Variants in AFF3 observed in about 807,000 individuals in gnomAD.
The protein encoded by AFF3 is ALF transcription elongation factor 3, also known as AF4/FMR2 family member 3.
In AFF3, 32 loss-of-function variants were observed where a neutral mutation model predicts 129.7. That is an observed-to-expected ratio of 0.25 (90% CI 0.19 to 0.33). AFF3 has a LOEUF of 0.33. Among genes scored for constraint, AFF3 ranks in the 10% least tolerant of loss-of-function variants. The pLI, the probability that AFF3 is intolerant of heterozygous loss-of-function variation, is 1.00. For missense variants in AFF3, 1,373 were observed against 1,592.0 expected (o/e 0.86, Z 2.34); for synonymous variants, 644 against 635.4 (o/e 1.01, Z -0.20).
At chr2:99,748,556 CT>C (rs1225265268) in intron 9 of AFF3, among the ~76,000 whole-genome samples, 1 of 152,176 alleles carries the variant, frequency 6.6e-6, no homozygotes, top group East Asian at 1.9e-4. Context: ...TCCCCTCCCC[CT>C]GGAATGCTCA....
chr2:99,599,935 G>A (rs1256114173), intron 14 of AFF3, among the ~76,000 whole-genome samples: 1 of 152,094 alleles, frequency 6.6e-6, no homozygotes, highest in Non-Finnish European at 1.5e-5. Flanking sequence ...ATATAATTGT[G>A]TATTCCAGGG....
chr2:99,826,240 C>T (rs1187572442), intron 8 of AFF3, among the ~76,000 whole-genome samples: 1 of 152,108 alleles, frequency 6.6e-6, no homozygotes, highest in Non-Finnish European at 1.5e-5. Flanking sequence ...GTCTCGACCT[C>T]CTGACCACAG....
chr2:99,671,619 C>T (rs1482837982), intron 12 of AFF3, among the ~76,000 whole-genome samples: 2 of 152,108 alleles, frequency 1.3e-5, no homozygotes, highest in Non-Finnish European at 1.5e-5. Context: ...TTTCATGATA[C>T]CTTTCTATTA....
intron 13 of AFF3, among the ~76,000 whole-genome samples, chr2:99,616,047 G>T (rs953657815): frequency 7.9e-5 from 12 of 152,156 alleles, no homozygotes; most frequent in Non-Finnish European, 1.3e-4. Flanking sequence ...TGCTTATAGA[G>T]GTGAAATCAT....
chr2:99,647,886 A>AT (rs1472389598), intron 13 of AFF3, among the ~76,000 whole-genome samples: 2 of 152,074 alleles, frequency 1.3e-5, no homozygotes, highest in Non-Finnish European at 2.9e-5. Context: ...TTGACAAGGG[A>AT]TTTTTTGTGA....
chr2:99,864,761 G>A (rs1304761132), intron 7 of AFF3, among the ~76,000 whole-genome samples: 1 of 152,220 alleles, frequency 6.6e-6, no homozygotes, highest in Non-Finnish European at 1.5e-5. Flanking sequence ...AGAACTGAAA[G>A]CTTTGCCTGA....
intron 7 of AFF3, among the ~76,000 whole-genome samples, chr2:99,846,903 G>A (rs1018165674): frequency 6.6e-6 from 1 of 152,034 alleles, no homozygotes; most frequent in Non-Finnish European, 1.5e-5. Context: ...CTCAGAACAG[G>A]GTTCATTCTG....
At chr2:99,889,692 T>C (rs980986547) in intron 7 of AFF3, among the ~76,000 whole-genome samples, 5 of 152,202 alleles carry the variant, frequency 3.3e-5, no homozygotes, top group Admixed American at 6.5e-5. Context: ...AGAGTCTCAC[T>C]CTGTTGCCCA....
intron 13 of AFF3, among the ~76,000 whole-genome samples, chr2:99,616,847 TCTC>T (rs1400170966): frequency 2.6e-5 from 4 of 152,164 alleles, no homozygotes; most frequent in Non-Finnish European, 4.4e-5. Flanking sequence ...CAAGCACTAA[TCTC>T]CTTCCTGTAG....
chr2:99,872,143 T>C (rs1482427539), intron 7 of AFF3, among the ~76,000 whole-genome samples: 2 of 137,216 alleles, frequency 1.5e-5, no homozygotes, highest in East Asian at 2.1e-4. Flanking sequence ...GAGGTGGAGG[T>C]TGCAGTGAGC....
At chr2:99,552,893 C>A (rs1195256791) in intron 24 of AFF3, among the ~76,000 whole-genome samples, 1 of 152,196 alleles carries the variant, frequency 6.6e-6, no homozygotes, top group Non-Finnish European at 1.5e-5. Flanking sequence ...GTGACACCCA[C>A]CCCACCTATT....
intron 4 of AFF3, among the ~76,000 whole-genome samples, chr2:100,051,371 G>C (rs939179821): frequency 1.3e-5 from 2 of 152,156 alleles, no homozygotes; most frequent in African/African-American, 4.8e-5. Context: ...GTTAAGGCGG[G>C]AGCTGATCTG....
At chr2:99,899,243 T>C (rs115224505) in intron 7 of AFF3, among the ~76,000 whole-genome samples, 2,117 of 152,300 alleles carry the variant, frequency 0.014, 47 homozygotes, top group African/African-American at 0.048. Context: ...TCTCCTAATC[T>C]TGGCAAGTTT....
chr2:100,029,020 G>A lies in AFF3; in HGVS notation c.54-20088C>T, dbSNP rs563737454. On this transcript the variant is annotated intron_variant, in intron 4 of 24. Transcript: ENST00000672756. ...ACCAAGAGGGGGAAACAACTCAAGCGTTTATCAGTGGATGAACAGATTTTT... is the reference window on the plus strand; with the variant it reads ...ACCAAGAGGGGGAAACAACTCAAGCATTTATCAGTGGATGAACAGATTTTT... Among the ~76,000 whole-genome samples the A allele has an allele frequency of 1.3e-3, 193 of 152,286 alleles. 1 individual carries two copies. The highest frequency in any genetic ancestry group is 4.4e-3 in the African/African-American group (182 of 41,572).
intron 10 of AFF3, among the ~76,000 whole-genome samples, chr2:99,738,673 C>G (rs771654666): frequency 6.6e-6 from 1 of 151,972 alleles, no homozygotes; most frequent in African/African-American, 2.4e-5. Flanking sequence ...ATCAGTATTC[C>G]GATCAATTTT....
intron 11 of AFF3, among the ~76,000 whole-genome samples, chr2:99,701,938 T>C (rs1450072403): frequency 1.3e-5 from 2 of 152,252 alleles, no homozygotes; most frequent in Non-Finnish European, 2.9e-5. Context: ...GAAATTGGCT[T>C]TTTTTCCACT....
intron 8 of AFF3, among the ~76,000 whole-genome samples, chr2:99,783,628 T>C (rs1411886501): frequency 3.3e-5 from 5 of 152,216 alleles, no homozygotes. Context: ...ACATCTTTGC[T>C]CAAATCATCT....
At chr2:100,085,872 G>A (rs1689381314) in intron 4 of AFF3, among the ~76,000 whole-genome samples, 1 of 151,256 alleles carries the variant, frequency 6.6e-6, no homozygotes, top group African/African-American at 2.4e-5. Context: ...GGTGTGTTAT[G>A]CATAGAAGGA....
At chr2:100,046,932 G>A (rs1377497453) in intron 4 of AFF3, among the ~76,000 whole-genome samples, 1 of 148,172 alleles carries the variant, frequency 6.7e-6, no homozygotes, top group Non-Finnish European at 1.5e-5. Context: ...GGATTTCTCA[G>A]AATGAAAACA....
Sources: allele counts gnomAD v4.1 joint callset (sites outside exome capture counted in the v4.1 genomes callset), GRCh38; gene constraint gnomAD v4.1.1; transcripts MANE v1.5; gene names NCBI Gene and HGNC (gene_info 2026-07-23, HGNC 2026-07-21).